DCBLD2: variants seen among roughly 807,000 people sequenced by gnomAD.
DCBLD2 encodes the protein discoidin, CUB and LCCL domain-containing protein 2.
DCBLD2 carries 54 observed loss-of-function variants against 86.8 expected under a neutral mutation model. The observed-to-expected ratio is 0.62, with a 90% confidence interval of 0.50 to 0.78. The LOEUF is 0.78. DCBLD2 is among the 30% of genes least tolerant of loss of function. The pLI is 0.00. For synonymous variants in DCBLD2, 354 were observed against 341.3 expected, an observed-to-expected ratio of 1.04 and a Z score of -0.41; for missense variants, 908 against 954.2, an observed-to-expected ratio of 0.95 and a Z score of 0.64.
Position 98,799,198 on chromosome 3 carries a change from A to T in DCBLD2, c.*174T>A. Reference sequence around the variant, plus strand: ...AGGCGAGCAGTAACTGTGCCACCATAACACCTTAAAGCAAGATGGCAAGAT... The same window carrying T: ...AGGCGAGCAGTAACTGTGCCACCATTACACCTTAAAGCAAGATGGCAAGAT... On this transcript the variant is annotated 3_prime_UTR_variant, in exon 16 of 16. Coordinates refer to ENST00000326840, the MANE Select transcript of DCBLD2 (RefSeq NM_080927.4). 1.5e-6 allele frequency: 1 copy of T among 650,094 alleles called. No individual in the cohort carries two copies. The highest frequency in any genetic ancestry group is 2.5e-6 in the Non-Finnish European group (1 of 392,940). The allele number at this position is 650,094 out of a possible 1,614,324, so 40.3% of individuals were successfully genotyped here. A position where few individuals can be genotyped will look rare whatever the true frequency, so the allele number is the denominator to read the frequency against.
intron 8 of DCBLD2, among the ~76,000 whole-genome samples, chr3:98,818,177 G>A (rs1178432861): frequency 2.0e-5 from 3 of 152,198 alleles, no homozygotes; most frequent in Non-Finnish European, 4.4e-5. Context: ...TACTGGGTAA[G>A]ATGACTTCCT....
intron 1 of DCBLD2, among the ~76,000 whole-genome samples, chr3:98,885,674 C>A (rs1943549160): frequency 6.6e-6 from 1 of 151,908 alleles, no homozygotes. Context: ...AAAGCCTATT[C>A]CACCAAGATA....
chr3:98,889,193 A>G (rs952782809), intron 1 of DCBLD2, among the ~76,000 whole-genome samples: 2 of 152,030 alleles, frequency 1.3e-5, no homozygotes, highest in African/African-American at 4.8e-5. Flanking sequence ...TTTGTCAAAG[A>G]GTTGAGCACT....
At chr3:98,901,036 C>T in intron 1 of DCBLD2, 86 bp downstream of exon 1, 1 of 1,530,412 alleles carries the variant, frequency 6.5e-7, no homozygotes, top group South Asian at 1.2e-5. Context: ...CGCCTCCCTG[C>T]AGCGTCTGCA....
rs900411806 is a variant in DCBLD2 at position 98,797,593 on chromosome 3, T to G, written c.*1779A>C. On this transcript the variant is annotated 3_prime_UTR_variant, in exon 16 of 16. Coordinates refer to ENST00000326840, the MANE Select transcript of DCBLD2 (RefSeq NM_080927.4). ...ATCTATGTCTTTTGTTTCAAACATTTTGAAACAAAATATGTATTGATTCTT... is the reference window on the plus strand; with the variant it reads ...ATCTATGTCTTTTGTTTCAAACATTGTGAAACAAAATATGTATTGATTCTT... 5 of 152,352 alleles carry G rather than the reference T, an allele frequency of 3.3e-5. No individual in the cohort carries two copies. Among genetic ancestry groups the G allele is most frequent in the Non-Finnish European group, 7.3e-5 (5 of 68,028 alleles). 9.4% of individuals were successfully genotyped at this position (152,352 alleles called of 1,614,324 possible). A position where few individuals can be genotyped will look rare whatever the true frequency, so the allele number is the denominator to read the frequency against.
chr3:98,843,465 A>T (rs1216185808), intron 3 of DCBLD2, among the ~76,000 whole-genome samples: 9 of 152,078 alleles, frequency 5.9e-5, no homozygotes, highest in Admixed American at 5.9e-4. Flanking sequence ...AGGAATTCAC[A>T]CTCTATTTTC....
At chr3:98,817,698 G>C (rs1942048036) in intron 9 of DCBLD2, 71 bp downstream of exon 9, 2 of 1,477,300 alleles carry the variant, frequency 1.4e-6, no homozygotes, top group Admixed American at 1.8e-5. Flanking sequence ...CTTTTATACA[G>C]GAGAGCTCTG....
At chr3:98,824,735 A>G (rs528538250) in intron 4 of DCBLD2, among the ~76,000 whole-genome samples, 14 of 152,226 alleles carry the variant, frequency 9.2e-5, no homozygotes, top group African/African-American at 3.4e-4. Flanking sequence ...GAACGAGAAG[A>G]CCAGGTTAAG....
chr3:98,838,051 C>T (rs1290572937), intron 3 of DCBLD2, among the ~76,000 whole-genome samples: 2 of 106,450 alleles, frequency 1.9e-5, no homozygotes, highest in South Asian at 7.4e-4. Context: ...GGGGGCTGAC[C>T]CCCCCACCTC....
rs1293205695 is a variant in DCBLD2, at chr3:98,844,825, C to A, written c.571+4636G>T. Reference sequence around the variant, plus strand: ...AAAAGTCCAAGATACCACAAAGGTCCACATACACGTTCAAATTTTCAGAAA... The same window carrying A: ...AAAAGTCCAAGATACCACAAAGGTCAACATACACGTTCAAATTTTCAGAAA... On this transcript the variant is annotated intron_variant, in intron 3 of 15. Transcript: ENST00000326840. Among the ~76,000 whole-genome samples, 5 of 152,140 alleles carry A rather than the reference C, an allele frequency of 3.3e-5. No individual in the cohort carries two copies. The East Asian group carries it at 9.6e-4, about 29-fold the overall frequency.
At position 98,820,241 on chromosome 3, in the gene DCBLD2, G is replaced by A; in HGVS notation, c.871+7C>T. Reference sequence around the variant, plus strand: ...ATAAAAAATTATAAAGTCCATAAAAGGCTTACCACTTGTCTTAAATGTAAA... The same window carrying A: ...ATAAAAAATTATAAAGTCCATAAAAAGCTTACCACTTGTCTTAAATGTAAA... On this transcript the variant is annotated splice_region_variant and intron_variant, in intron 7 of 15. Coordinates refer to ENST00000326840, the MANE Select transcript of DCBLD2 (RefSeq NM_080927.4). 6.9e-7 allele frequency: 1 copy of A among 1,451,104 alleles called. No homozygotes were observed. The highest frequency in any genetic ancestry group is 9.1e-7 in the Non-Finnish European group (1 of 1,102,658). 89.9% of individuals were successfully genotyped at this position (1,451,104 alleles called of 1,614,324 possible).
chr3:98,870,804 A>AG (rs1264301568), intron 2 of DCBLD2, among the ~76,000 whole-genome samples: 3 of 143,424 alleles, frequency 2.1e-5, no homozygotes, highest in African/African-American at 5.2e-5. Flanking sequence ...AAAGAAAGAA[A>AG]GAAAGAAAGG....
At chr3:98,871,819 C>T (rs551829605) in intron 2 of DCBLD2, among the ~76,000 whole-genome samples, 2 of 152,240 alleles carry the variant, frequency 1.3e-5, no homozygotes, top group Admixed American at 6.5e-5. Context: ...CCCTCTTTCT[C>T]CATCTTTTAG....
chr3:98,840,129 A>T (rs1476153547), intron 3 of DCBLD2, among the ~76,000 whole-genome samples: 2 of 152,238 alleles, frequency 1.3e-5, no homozygotes, highest in African/African-American at 4.8e-5. Context: ...ATAAGATCAT[A>T]CTGACCACTG....
chr3:98,874,593 G>A (rs1457722211), intron 2 of DCBLD2, among the ~76,000 whole-genome samples: 1 of 152,142 alleles, frequency 6.6e-6, no homozygotes, highest in Non-Finnish European at 1.5e-5. Flanking sequence ...CCAGATACTG[G>A]TACGCCCCCC....
At chr3:98,887,782 C>A (rs1943587609) in intron 1 of DCBLD2, among the ~76,000 whole-genome samples, 1 of 152,012 alleles carries the variant, frequency 6.6e-6, no homozygotes, top group Non-Finnish European at 1.5e-5. Flanking sequence ...TCATTATTAA[C>A]ATTCCTGACT....
intron 3 of DCBLD2, among the ~76,000 whole-genome samples, chr3:98,831,416 T>C (rs1942320999): frequency 6.6e-6 from 1 of 152,164 alleles, no homozygotes; most frequent in African/African-American, 2.4e-5. Flanking sequence ...ACCAACTCCT[T>C]GATTTGTTGA....
intron 9 of DCBLD2, among the ~76,000 whole-genome samples, 168 bp downstream of exon 9, chr3:98,817,601 T>C (rs186670567): frequency 6.6e-6 from 1 of 152,342 alleles, no homozygotes; most frequent in East Asian, 1.9e-4. Flanking sequence ...CTACTGAGAA[T>C]TTTCTAAAGT....
rs1173032392 is a variant in DCBLD2, at chr3:98,838,077, G to A, written c.571+11384C>T. 6.6e-3 allele frequency among the ~76,000 whole-genome samples: 902 copies of A among 137,384 alleles called. 3 individuals are homozygous for A. The highest frequency in any genetic ancestry group is 0.023 in the African/African-American group (849 of 36,780). 90.1% of individuals were successfully genotyped at this position (137,384 alleles called of 152,430 possible). A position where few individuals can be genotyped will look rare whatever the true frequency, so the allele number is the denominator to read the frequency against. On this transcript the variant is annotated intron_variant, in intron 3 of 15. Coordinates refer to ENST00000326840, the MANE Select transcript of DCBLD2 (RefSeq NM_080927.4). Reference sequence around the variant, plus strand: ...CCCCCACCTCCCTCCCGGACGGCACGGCTGGCCAGGCCGGGGGCTGAACCC... The same window carrying A: ...CCCCCACCTCCCTCCCGGACGGCACAGCTGGCCAGGCCGGGGGCTGAACCC...
Sources: gnomAD v4.1 joint callset for allele counts (sites outside exome capture counted in the v4.1 genomes callset) on GRCh38, gnomAD v4.1.1 for gene constraint, MANE v1.5 for transcripts, NCBI Gene and HGNC (gene_info 2026-07-23, HGNC 2026-07-21) for gene names.